HACL1: variants seen among roughly 807,000 people sequenced by gnomAD.
HACL1 encodes 1600020H07Rik.
In HACL1, 64 loss-of-function variants were observed where a neutral mutation model predicts 74.2. That is an observed-to-expected ratio of 0.86 (90% CI 0.70 to 1.06). HACL1 has a LOEUF of 1.06. Ranked by LOEUF, HACL1 falls within the 50% of genes least tolerant of loss-of-function variation. HACL1 has a pLI of 0.00. For missense variants in HACL1, 728 were observed against 719.7 expected, an observed-to-expected ratio of 1.01 and a Z score of -0.13; for synonymous variants, 230 against 238.8, an observed-to-expected ratio of 0.96 and a Z score of 0.34.
At chr3:15,593,232 G>C (rs1289973641) in intron 3 of HACL1, among the ~76,000 whole-genome samples, 1 of 135,212 alleles carries the variant, frequency 7.4e-6, no homozygotes, top group Non-Finnish European at 1.5e-5. Flanking sequence ...CTTTTTTTTT[G>C]AGATAGCATC....
Position 15,595,938 on chromosome 3 carries a change from T to C in HACL1, c.227+446A>G, listed in dbSNP as rs114532195. 1,399 of 153,188 alleles carry C rather than the reference T, an allele frequency of 9.1e-3. 18 individuals carry two copies. Among genetic ancestry groups the C allele is most frequent in the African/African-American group, 0.032 (1,337 of 41,582 alleles). 9.5% of individuals were successfully genotyped at this position (153,188 alleles called of 1,614,324 possible). ...TTTTCATTTTCTTCTTTGTGCTTTC[T>C]ATATTTTCCAAGTTTTCCAAAATGG... is the stretch of plus-strand genomic sequence containing the variant. On this transcript the variant is annotated intron_variant, in intron 3 of 16. Coordinates refer to ENST00000321169, the MANE Select transcript of HACL1 (RefSeq NM_012260.4).
rs772083095 is a variant in HACL1 at position 15,586,532 on chromosome 3, A to G, written c.452T>C (p.Ile151Thr). 14 of 1,570,658 alleles carry G rather than the reference A, an allele frequency of 8.9e-6. No individual in the cohort carries two copies. Among genetic ancestry groups the G allele is most frequent in the Middle Eastern group, 1.7e-4 (1 of 5,982 alleles). Residue 151 changes from isoleucine to threonine, a missense_variant, in exon 6 of 17, where the codon ATT (isoleucine) becomes ACT (threonine). By Grantham distance (89) the Ile-to-Thr change is moderately conservative. Transcript: ENST00000321169. ...PSSIEAIPFV[I>T]EKAVRSSIYG... ...TGTTATTAAATACTGTACCTTTTCA[A>G]TAACAAAAGGAATAGCTTCTATGCT...
intron 15 of HACL1, 51 bp from the exon 16 acceptor site, chr3:15,563,595 A>G (rs1256130963): frequency 3.4e-6 from 4 of 1,182,202 alleles, no homozygotes; most frequent in Admixed American, 2.3e-5. Context: ...AACCTTGTAG[A>G]AAAAAAGTCA....
chr3:15,577,838 C>T (rs935608126), intron 9 of HACL1, among the ~76,000 whole-genome samples: 2 of 151,696 alleles, frequency 1.3e-5, no homozygotes, highest in African/African-American at 4.8e-5. Flanking sequence ...GTGGCTCACA[C>T]CTGTAATCCC....
In HACL1 at chr3:15,571,724, T is replaced by A; in HGVS notation, c.1039A>T (p.Ser347Cys). Residue 347 changes from serine (S) to cysteine (C), a missense_variant, in exon 12 of 17, where the codon AGC (serine) becomes TGC (cysteine). Transcript: ENST00000321169. ...DKTPWQYPPE[S>C]KWWKTLREKM... is the part of the protein sequence containing the mutation. ...TCTCTCAGAGTTTTCCACCACTTGC[T>A]CTCTGGAGGATACTGCCATGGTGTT... is the stretch of plus-strand genomic sequence containing the variant. 5 of 1,519,512 alleles carry A rather than the reference T, an allele frequency of 3.3e-6. No homozygotes were observed. Among genetic ancestry groups the A allele is most frequent in the Non-Finnish European group, 4.5e-6 (5 of 1,105,566 alleles). 94.1% of individuals were successfully genotyped at this position (1,519,512 alleles called of 1,614,324 possible). A position where few individuals can be genotyped will look rare whatever the true frequency, so the allele number is the denominator to read the frequency against.
chr3:15,567,931 T>G lies in HACL1; in HGVS notation c.1322A>C (p.Lys441Thr), dbSNP rs143722713. The G allele has an allele frequency of 5.0e-6, 8 of 1,613,904 alleles. No individual in the cohort carries two copies. Among genetic ancestry groups the G allele is most frequent in the South Asian group, 3.3e-5 (3 of 91,084 alleles). Residue 441 changes from lysine (K) to threonine (T), a missense_variant, in exon 14 of 17, where the codon AAA (lysine) becomes ACA (threonine). Physicochemically the swap from Lys to Thr is moderately conservative, Grantham distance 78. Coordinates refer to ENST00000321169, the MANE Select transcript of HACL1 (RefSeq NM_012260.4). The stretch of plus-strand genomic sequence containing the variant: ...GATCCATTGCCCAGGGCTTCTATCT[T>G]TAGCCACCACGGCAGCTGCAATAGC... ...GFAIAAAVVA[K>T]DRSPGQWIIC...
At chr3:15,600,061 C>T (rs866763633) in intron 2 of HACL1, among the ~76,000 whole-genome samples, 41 of 147,946 alleles carry the variant, frequency 2.8e-4, no homozygotes, top group Non-Finnish European at 5.2e-4. Context: ...AAATCTCAAA[C>T]CTTGTAGATA....
At chr3:15,579,636 G>A (rs7648958) in intron 9 of HACL1, among the ~76,000 whole-genome samples, 43,347 of 151,978 alleles carry the variant, frequency 0.29, 9,623 homozygotes, top group African/African-American at 0.59. Context: ...CCATTTCCAG[G>A]CACATCATAC....
intron 6 of HACL1, among the ~76,000 whole-genome samples, chr3:15,585,670 T>C (rs975916388): frequency 4.6e-5 from 7 of 152,206 alleles, no homozygotes; most frequent in Admixed American, 1.3e-4. Flanking sequence ...TTCCTAATCT[T>C]AGTAATCTGG....
intron 9 of HACL1, among the ~76,000 whole-genome samples, chr3:15,576,262 G>A (rs1368229299): frequency 6.8e-6 from 1 of 146,360 alleles, no homozygotes; most frequent in East Asian, 2.0e-4. Context: ...TTTATTTAAT[G>A]TTTTCTCAAT....
chr3:15,564,460 G>A, intron 15 of HACL1, 91 bp downstream of exon 15: 1 of 682,512 alleles, frequency 1.5e-6, no homozygotes, highest in African/African-American at 1.8e-5. Flanking sequence ...CTCATACCAT[G>A]TAGGCACATT....
chr3:15,568,369 T>C (rs2063469976), intron 13 of HACL1, 63 bp downstream of exon 13: 5 of 983,694 alleles, frequency 5.1e-6, no homozygotes, highest in Non-Finnish European at 7.7e-6. Flanking sequence ...ATCTGCACTA[T>C]TACAGTTTCA....
chr3:15,596,346 AT>A (rs1237620648), intron 3 of HACL1, 37 bp downstream of exon 3: 2 of 1,143,872 alleles, frequency 1.7e-6, no homozygotes, highest in East Asian at 2.3e-5. Context: ...CTACCCCAAA[AT>A]ATTAAAGTAA....
intron 3 of HACL1, among the ~76,000 whole-genome samples, chr3:15,592,059 TATATACGTATATAC>T (rs1257446038): frequency 2.0e-4 from 1 of 5,014 alleles, no homozygotes; most frequent in Non-Finnish European, 4.3e-4. Context: ...TATATACGTA[TATATACGTATATAC>T]GTATACGTAT....
At chr3:15,571,564 T>C (rs1015811018) in intron 12 of HACL1, 104 bp downstream of exon 12, 10 of 739,060 alleles carry the variant, frequency 1.4e-5, no homozygotes, top group African/African-American at 8.9e-5. Flanking sequence ...CTGCACAATT[T>C]TGCACATCAA....
rs558216694 is a variant in HACL1 at position 15,585,401 on chromosome 3, C to T, written c.460-59G>A. 1,001 of 909,882 alleles carry T rather than the reference C, an allele frequency of 1.1e-3. 3 individuals carry two copies. The highest frequency in any genetic ancestry group is 1.4e-3 in the Non-Finnish European group (806 of 563,702). 56.4% of individuals were successfully genotyped at this position (909,882 alleles called of 1,614,324 possible). ...AAAATCTCAGTCTTATCATATTCTA[C>T]TCAAAGATAATTTAAAACTGGAAAA... On this transcript the variant is annotated intron_variant, in intron 6 of 16. Coordinates refer to ENST00000321169, the MANE Select transcript of HACL1 (RefSeq NM_012260.4).
At chr3:15,561,453 A>C (rs1038141808) in intron 16 of HACL1, among the ~76,000 whole-genome samples, 1 of 151,902 alleles carries the variant, frequency 6.6e-6, no homozygotes, top group African/African-American at 2.4e-5. Context: ...GAAAATAAAT[A>C]ATTTCAAAGT....
intron 9 of HACL1, among the ~76,000 whole-genome samples, chr3:15,575,378 A>G (rs985283020): frequency 3.9e-5 from 6 of 151,900 alleles, no homozygotes; most frequent in African/African-American, 7.3e-5. Context: ...GGCAATCCAG[A>G]AAAAAAACAG....
chr3:15,573,310 G>A (rs1409945988), intron 10 of HACL1, 68 bp from the exon 11 acceptor site: 4 of 875,600 alleles, frequency 4.6e-6, no homozygotes, highest in East Asian at 2.4e-5. Flanking sequence ...AGGCAATTAC[G>A]ATTGAATAAA....
Sources: gnomAD v4.1 joint callset for allele counts (sites outside exome capture counted in the v4.1 genomes callset) on GRCh38, gnomAD v4.1.1 for gene constraint, MANE v1.5 for transcripts, NCBI Gene and HGNC (gene_info 2026-07-23, HGNC 2026-07-21) for gene names.